TRIM22: variants seen among roughly 807,000 people sequenced by gnomAD.
TRIM22 encodes the protein E3 ubiquitin-protein ligase TRIM22.
In TRIM22, 45 loss-of-function variants were observed where a neutral mutation model predicts 53.6. That is an observed-to-expected ratio of 0.84 (90% confidence interval 0.66 to 1.08). The LOEUF is 1.08. Ranked by LOEUF, TRIM22 falls within the 50% of genes least tolerant of loss-of-function variation. TRIM22 has a pLI of 0.00. For missense variants in TRIM22, 616 were observed against 590.9 expected (o/e 1.04, Z -0.44); for synonymous variants, 225 against 216.6 (o/e 1.04, Z -0.34).
chr11:5,692,876 C>CTTTTTTTT (rs376485434), intron 1 of TRIM22, among the ~76,000 whole-genome samples: 4 of 132,918 alleles, frequency 3.0e-5, no homozygotes, highest in Non-Finnish European at 3.1e-5. Flanking sequence ...TTAATTTAAT[C>CTTTTTTTT]TTTTTTTTTT....
rs890246569 is a variant in TRIM22, at chr11:5,699,899, A to AT, written c.750+1364dup. Among the ~76,000 whole-genome samples the AT allele has an allele frequency of 2.5e-3, 374 of 149,120 alleles. 1 individual carries two copies. Among genetic ancestry groups the AT allele is most frequent in the African/African-American group, 8.3e-3 (338 of 40,726 alleles). ...CTGTTTTACTTTTGGTGCTATTGTAATTTTTTTTTTATTTCAAATTTCAAT... is the reference window on the plus strand; with the variant it reads ...CTGTTTTACTTTTGGTGCTATTGTAATTTTTTTTTTTATTTCAAATTTCAAT... On this transcript the variant is annotated intron_variant, in intron 4 of 7. Transcript: ENST00000379965.
At chr11:5,700,248 A>G (rs1853349147) in intron 4 of TRIM22, among the ~76,000 whole-genome samples, 1 of 151,438 alleles carries the variant, frequency 6.6e-6, no homozygotes. Flanking sequence ...TCAGCCTCCC[A>G]GGACTAGCGC....
At chr11:5,703,243 T>G (rs1361955154) in intron 4 of TRIM22, among the ~76,000 whole-genome samples, 1 of 152,174 alleles carries the variant, frequency 6.6e-6, no homozygotes, top group Non-Finnish European at 1.5e-5. Flanking sequence ...TTTCCATATT[T>G]ATGTCCACGT....
intron 2 of TRIM22, chr11:5,696,915 C>T (rs1853273312): frequency 9.5e-6 from 5 of 523,826 alleles, no homozygotes; most frequent in Non-Finnish European, 1.7e-5. Context: ...CTTTCATTGC[C>T]CCTCCAAGAA....
intron 4 of TRIM22, among the ~76,000 whole-genome samples, chr11:5,703,026 G>C (rs1056243857): frequency 6.6e-6 from 1 of 152,202 alleles, no homozygotes; most frequent in African/African-American, 2.4e-5. Context: ...CATGCTGTCT[G>C]TAAATAAATA....
chr11:5,696,977 A>T, intron 2 of TRIM22: 1 of 496,092 alleles, frequency 2.0e-6, no homozygotes, highest in Non-Finnish European at 3.5e-6. Flanking sequence ...AGTGGCAATG[A>T]AAGGACGTCT....
At position 5,697,395 on chromosome 11, in the gene TRIM22, C is replaced by T. The variant is rs771123565; in HGVS notation, c.519+52C>T. 3 of 1,389,330 alleles carry T rather than the reference C, an allele frequency of 2.2e-6. No homozygotes were observed. In the East Asian group the frequency reaches 6.9e-5, roughly 32 times the overall value. The allele number at this position is 1,389,330 out of a possible 1,614,324, so 86.1% of individuals were successfully genotyped here. A position where few individuals can be genotyped will look rare whatever the true frequency, so the allele number is the denominator to read the frequency against. On this transcript the variant is annotated intron_variant, in intron 3 of 7. Transcript: ENST00000379965. ...AATTAGACAGGAATCTGGGCAGGACCCTGGGCTCTATCACAAGGAGACCCC... is the reference window on the plus strand; with the variant it reads ...AATTAGACAGGAATCTGGGCAGGACTCTGGGCTCTATCACAAGGAGACCCC...
In TRIM22 at chr11:5,696,584, G is replaced by C. The variant is rs748610220; in HGVS notation, c.352G>C (p.Val118Leu). Residue 118 changes from valine (V) to leucine (L), a missense_variant, in exon 2 of 8, where the codon GTT (valine) becomes CTT (leucine). Physicochemically the swap from Val to Leu is conservative, Grantham distance 32. Transcript: ENST00000379965. ...CKEDGKVICW[V>L]CELSQEHQGH... ...GGAGGATGGAAAAGTCATTTGCTGG[G>C]TTTGTGAACTGTCTCAGGAACACCA... 6.2e-7 allele frequency: 1 copy of C among 1,614,020 alleles called. No homozygotes were observed. The highest frequency in any genetic ancestry group is 1.7e-5 in the Admixed American group (1 of 60,012).
intron 4 of TRIM22, among the ~76,000 whole-genome samples, chr11:5,701,544 G>A (rs1853373225): frequency 1.3e-5 from 2 of 152,152 alleles, no homozygotes; most frequent in South Asian, 4.1e-4. Flanking sequence ...GCCTTTAGAT[G>A]GAATATTCTA....
chr11:5,709,688 T>C lies in TRIM22; in HGVS notation c.*40T>C, dbSNP rs1170692216. 1.3e-6 allele frequency: 2 copies of C among 1,541,166 alleles called. No homozygotes were observed. Among genetic ancestry groups the C allele is most frequent in the Admixed American group, 3.5e-5 (2 of 57,346 alleles). ...TTACCCACTTCTGCATAGTAGCCCT[T>C]GTGCTGAGACTCAGATTCTGCACCT... On this transcript the variant is annotated 3_prime_UTR_variant, in exon 8 of 8. Coordinates refer to ENST00000379965, the MANE Select transcript of TRIM22 (RefSeq NM_006074.5).
At chr11:5,700,988 G>A (rs900774435) in intron 4 of TRIM22, among the ~76,000 whole-genome samples, 3 of 152,026 alleles carry the variant, frequency 2.0e-5, no homozygotes, top group Non-Finnish European at 4.4e-5. Context: ...CTTCTTTATT[G>A]ATATGGGAGA....
At chr11:5,692,245 T>C (rs1853184872) in intron 1 of TRIM22, among the ~76,000 whole-genome samples, 1 of 152,212 alleles carries the variant, frequency 6.6e-6, no homozygotes, top group Admixed American at 6.5e-5. Context: ...GTGGTATCTG[T>C]AGTGCTCTTG....
intron 4 of TRIM22, 124 bp downstream of exon 4, chr11:5,698,669 G>T: frequency 1.3e-6 from 1 of 763,652 alleles, no homozygotes; most frequent in Non-Finnish European, 2.1e-6. Flanking sequence ...CCTTTGGCCC[G>T]GCATGCCCCT....
chr11:5,690,235 C>T (rs1204653490), intron 1 of TRIM22, among the ~76,000 whole-genome samples: 3 of 152,180 alleles, frequency 2.0e-5, no homozygotes, highest in Non-Finnish European at 4.4e-5. Flanking sequence ...GATTTCTCAG[C>T]AAAGCAATTT....
At chr11:5,690,094 G>A (rs1853150310) in intron 1 of TRIM22, among the ~76,000 whole-genome samples, 195 bp downstream of exon 1, 1 of 152,166 alleles carries the variant, frequency 6.6e-6, no homozygotes, top group Admixed American at 6.5e-5. Flanking sequence ...AAAGAAGAGA[G>A]GTTTGCAAAA....
chr11:5,708,333 G>T, intron 6 of TRIM22, 60 bp downstream of exon 6: 1 of 1,494,884 alleles, frequency 6.7e-7, no homozygotes, highest in Non-Finnish European at 9.3e-7. Context: ...GCTCAATAGG[G>T]AAGCGGGAGG....
At position 5,693,586 on chromosome 11, in the gene TRIM22, G is replaced by A. The variant is rs528742005; in HGVS notation, c.-66-2581G>A. Among the ~76,000 whole-genome samples the A allele has an allele frequency of 1.8e-4, 28 of 151,946 alleles. 1 individual carries two copies. In the East Asian group the frequency reaches 4.5e-3, roughly 24 times the overall value. On this transcript the variant is annotated intron_variant, in intron 1 of 7. Coordinates refer to ENST00000379965, the MANE Select transcript of TRIM22 (RefSeq NM_006074.5). ...AGACACCAAAAAATCACCCGGGTGTGGTGGCGGGCGCCTGTAGTCCCAGCT... is the reference window on the plus strand; with the variant it reads ...AGACACCAAAAAATCACCCGGGTGTAGTGGCGGGCGCCTGTAGTCCCAGCT...
intron 5 of TRIM22, among the ~76,000 whole-genome samples, chr11:5,707,089 T>G (rs946900047): frequency 9.2e-5 from 14 of 152,330 alleles, no homozygotes; most frequent in African/African-American, 3.4e-4. Flanking sequence ...AATAGTGGCT[T>G]TGGTCCTGGT....
In TRIM22 at chr11:5,696,370, A is replaced by G; in HGVS notation, c.138A>G (p.Ser46=). The G allele has an allele frequency of 1.9e-6, 3 of 1,614,276 alleles. No homozygotes were observed. Among genetic ancestry groups the G allele is most frequent in the Non-Finnish European group, 2.5e-6 (3 of 1,180,048 alleles). ...QACITAKIKE[S]VIISRGESSC... ...GCATCACTGCAAAGATCAAGGAGTC[A>G]GTGATCATCTCAAGAGGGGAAAGCA... Residue 46 remains serine (S), a synonymous_variant, in exon 2 of 8, where the codon TCA becomes TCG. Coordinates refer to ENST00000379965, the MANE Select transcript of TRIM22 (RefSeq NM_006074.5).
Sources: gnomAD v4.1 joint callset for allele counts (sites outside exome capture counted in the v4.1 genomes callset) on GRCh38, gnomAD v4.1.1 for gene constraint, MANE v1.5 for transcripts, NCBI Gene and HGNC (gene_info 2026-07-23, HGNC 2026-07-21) for gene names.